Variants in PLEKHM1 observed in about 807,000 individuals in gnomAD.
PLEKHM1 encodes the protein pleckstrin homology and RUN domain containing M1.
In PLEKHM1, 28 loss-of-function variants were observed where a neutral mutation model predicts 94.3. The observed-to-expected ratio is 0.30, with a 90% CI of 0.22 to 0.41. PLEKHM1 has a LOEUF of 0.41. Among genes scored for constraint, PLEKHM1 ranks in the 10% least tolerant of loss-of-function variants. The probability of loss-of-function intolerance (pLI) is 1.00; values close to 1 mark genes in which losing one functional copy is unlikely to be tolerated. For missense variants in PLEKHM1, 907 were observed against 1,358.6 expected, an observed-to-expected ratio of 0.67 and a Z score of 5.22; for synonymous variants, 424 against 581.2, an observed-to-expected ratio of 0.73 and a Z score of 3.89.
chr17:45,445,709 A>G lies in PLEKHM1; in HGVS notation c.2644-46T>C, dbSNP rs2050587974. ...TGGGGATGGGAAGGAATGGCTGTTC[A>G]GTGAGCACTGCCTGGCCAGGTGCCA... On this transcript the variant is annotated intron_variant, in intron 8 of 11. Transcript: ENST00000430334. This position sits in a 1 kb window ranked among gnomAD's most constrained non-coding sequence, Gnocchi z 4.2. 6.6e-7 allele frequency: 1 copy of G among 1,514,374 alleles called. No homozygotes were observed. The highest frequency in any genetic ancestry group is 1.7e-5 in the Admixed American group (1 of 59,902). 93.8% of individuals were successfully genotyped at this position (1,514,374 alleles called of 1,614,324 possible).
At chr17:45,468,638 AT>A (rs1597974632) in intron 4 of PLEKHM1, 45 bp from the exon 5 acceptor site, 2 of 1,607,418 alleles carry the variant, frequency 1.2e-6, no homozygotes, top group Admixed American at 1.7e-5. Context: ...GTTGTCTGCG[AT>A]AATGCCCAAG....
In PLEKHM1 at chr17:45,453,860, G is replaced by A. The variant is rs369056286; in HGVS notation, c.1992C>T (p.Pro664=). ...CAAACTGTGTGCCCTGGAGGGCCGCGGGCTCCGAGAGCAGGTCTGAGGGAG... is the reference window on the plus strand; with the variant it reads ...CAAACTGTGTGCCCTGGAGGGCCGCAGGCTCCGAGAGCAGGTCTGAGGGAG... ...CLSPSDLLSE[P]AALQGTQFDW... Residue 664 remains proline, a synonymous_variant, in exon 7 of 12, where the codon CCC becomes CCT. Transcript: ENST00000430334. The surrounding 1 kb of genome is among the most constrained non-coding windows in gnomAD (Gnocchi z 4.1). 2.5e-6 allele frequency: 4 copies of A among 1,613,834 alleles called. No individual in the cohort carries two copies. The highest frequency in any genetic ancestry group is 2.7e-5 in the African/African-American group (2 of 74,932).
intron 5 of PLEKHM1, among the ~76,000 whole-genome samples, chr17:45,463,585 G>T (rs2051221852): frequency 6.6e-6 from 1 of 152,156 alleles, no homozygotes; most frequent in Admixed American, 6.5e-5. Context: ...TACAGACGGG[G>T]TTTCACCATA....
At position 45,475,641 on chromosome 17, in the gene PLEKHM1, C is replaced by T. The variant is rs779056350; in HGVS notation, c.382G>A (p.Asp128Asn). Residue 128 changes from aspartate (D) to asparagine (N), a missense_variant, in exon 4 of 12, where the codon GAT (aspartate) becomes AAT (asparagine). Coordinates refer to ENST00000430334, the MANE Select transcript of PLEKHM1 (RefSeq NM_014798.3). ...CRAWLRLALNDGLMECYLKLL... is the reference protein window; with the variant it reads ...CRAWLRLALNNGLMECYLKLL... ...TTCAGGTAGCACTCCATCAGGCCAT[C>T]GTTCAGGGCCAGCCGCAGCCATGCC... 33 of 1,613,660 alleles carry T rather than the reference C, an allele frequency of 2.0e-5. No individual in the cohort carries two copies. Among genetic ancestry groups the T allele is most frequent in the South Asian group, 2.2e-5 (2 of 91,088 alleles).
At position 45,475,484 on chromosome 17, in the gene PLEKHM1, T is replaced by A. The variant is rs750041184; in HGVS notation, c.539A>T (p.Tyr180Phe). The A allele has an allele frequency of 1.4e-4, 222 of 1,612,538 alleles. No homozygotes were observed. Among genetic ancestry groups the A allele is most frequent in the Middle Eastern group, 1.6e-4 (1 of 6,072 alleles). Reference protein sequence around the residue: ...GLTSLSFELSYKSAILNEWTL... With the variant: ...GLTSLSFELSFKSAILNEWTL... ...CCACTCATTTAAGATGGCAGACTTGTAGGAGAGTTCGAAGGACAAGGACGT... is the reference window on the plus strand; with the variant it reads ...CCACTCATTTAAGATGGCAGACTTGAAGGAGAGTTCGAAGGACAAGGACGT... Residue 180 changes from tyrosine to phenylalanine, a missense_variant, in exon 4 of 12, where the codon TAC becomes TTC. This residue lies in a region of PLEKHM1 where 176 missense variants were observed against 306.0 expected (regional missense o/e 0.58). Transcript: ENST00000430334.
chr17:45,470,252 A>G (rs2051454696), intron 4 of PLEKHM1, among the ~76,000 whole-genome samples: 1 of 152,276 alleles, frequency 6.6e-6, no homozygotes, highest in Non-Finnish European at 1.5e-5. Context: ...ACCTAAAGGT[A>G]AGAGCTAAAA....
chr17:45,449,382 C>A (rs2050702092), intron 8 of PLEKHM1, among the ~76,000 whole-genome samples: 2 of 152,014 alleles, frequency 1.3e-5, no homozygotes, highest in Non-Finnish European at 2.9e-5. Context: ...ATCTACCCAT[C>A]TACCTACCCA....
chr17:45,463,064 C>T (rs2051201179), intron 5 of PLEKHM1, among the ~76,000 whole-genome samples: 1 of 137,958 alleles, frequency 7.2e-6, no homozygotes, highest in Non-Finnish European at 1.6e-5. Context: ...CCCACCTGGG[C>T]AACAGCACAA....
chr17:45,477,545 G>C (rs963062121), intron 3 of PLEKHM1: 3 of 373,934 alleles, frequency 8.0e-6, no homozygotes, highest in African/African-American at 6.3e-5. Flanking sequence ...ATATTCTTCA[G>C]GCTTTGCAGG....
At chr17:45,441,654 G>A (rs1012367002) in intron 9 of PLEKHM1, among the ~76,000 whole-genome samples, 3 of 152,186 alleles carry the variant, frequency 2.0e-5, no homozygotes, top group African/African-American at 7.2e-5. Context: ...GGACTTGGAA[G>A]TGGCTTCTCC....
At chr17:45,440,030 G>C in intron 10 of PLEKHM1, 133 bp downstream of exon 10, 1 of 868,992 alleles carries the variant, frequency 1.2e-6, no homozygotes, top group Middle Eastern at 2.3e-4. Context: ...AACCCACCCT[G>C]AGCTGCAGAA....
chr17:45,460,882 G>A (rs1180163487), intron 5 of PLEKHM1, among the ~76,000 whole-genome samples: 2 of 151,792 alleles, frequency 1.3e-5, no homozygotes, highest in Non-Finnish European at 2.9e-5. Flanking sequence ...TTTTTGTTTT[G>A]TTGTTGTTGT....
intron 1 of PLEKHM1, among the ~76,000 whole-genome samples, chr17:45,483,224 G>A (rs554827105): frequency 6.6e-6 from 1 of 152,126 alleles, no homozygotes; most frequent in South Asian, 2.1e-4. Flanking sequence ...GATGGAGAAT[G>A]TGTAAAATGC....
chr17:45,460,733 ATT>A (rs1333357192), intron 5 of PLEKHM1, among the ~76,000 whole-genome samples: 4 of 150,102 alleles, frequency 2.7e-5, no homozygotes, highest in Non-Finnish European at 5.9e-5. Context: ...AATTTTTTAT[ATT>A]TTTAGTAGAG....
rs1257731885 is a variant in PLEKHM1 at position 45,453,183 on chromosome 17, C to T, written c.2497+172G>A. ...CTATGAGCAGGGCACTGGCCCCAGC[C>T]GGGGCTGGGGAGGAGCAGAAGCTGT... is the stretch of plus-strand genomic sequence containing the variant. On this transcript the variant is annotated intron_variant, in intron 7 of 11. Transcript: ENST00000430334. This position sits in a 1 kb window ranked among gnomAD's most constrained non-coding sequence, Gnocchi z 4.1. 2.6e-5 allele frequency: 17 copies of T among 664,158 alleles called. No homozygotes were observed. The highest frequency in any genetic ancestry group is 4.1e-5 in the Non-Finnish European group (15 of 365,492). The allele number at this position is 664,158 out of a possible 1,614,324, so 41.1% of individuals were successfully genotyped here. A position where few individuals can be genotyped will look rare whatever the true frequency, so the allele number is the denominator to read the frequency against.
chr17:45,468,233 C>T lies in PLEKHM1; in HGVS notation c.1284G>A (p.Leu428=). Reference sequence around the variant, plus strand: ...CCGGACTGGTGGGTGAGGAAACTACCAGCTTCAGACCAGCTCCGTCATGAG... The same window carrying T: ...CCGGACTGGTGGGTGAGGAAACTACTAGCTTCAGACCAGCTCCGTCATGAG... ...AQAHDGAGLK[L]VVSSPTSPKN... is the part of the protein sequence containing the mutation. Residue 428 remains leucine, a synonymous_variant, in exon 5 of 12, where the codon CTG becomes CTA. Transcript: ENST00000430334. 6.2e-7 allele frequency: 1 copy of T among 1,613,202 alleles called. No homozygotes were observed. The highest frequency in any genetic ancestry group is 8.5e-7 in the Non-Finnish European group (1 of 1,179,792).
intron 6 of PLEKHM1, 146 bp from the exon 7 acceptor site, chr17:45,454,418 G>C (rs1487732684): frequency 4.1e-6 from 3 of 727,482 alleles, no homozygotes; most frequent in Non-Finnish European, 7.3e-6. Context: ...ACTATCACAT[G>C]GGACCCTGAA....
intron 5 of PLEKHM1, among the ~76,000 whole-genome samples, chr17:45,463,171 G>T (rs1156388141): frequency 6.6e-6 from 1 of 151,856 alleles, no homozygotes; most frequent in Non-Finnish European, 1.5e-5. Flanking sequence ...GAAATGTTCA[G>T]ACACAGTCCA....
At chr17:45,473,885 A>G (rs930747675) in intron 4 of PLEKHM1, among the ~76,000 whole-genome samples, 12 of 151,810 alleles carry the variant, frequency 7.9e-5, no homozygotes, top group African/African-American at 2.7e-4. Context: ...TATTTGTTGT[A>G]GATGCATTTA....
Sources: gnomAD v4.1 joint callset for allele counts (sites outside exome capture counted in the v4.1 genomes callset) on GRCh38, gnomAD v4.1.1 for gene constraint, gnomAD v4.1.1 regional missense constraint, Gnocchi (gnomAD v3.1) non-coding constraint, MANE v1.5 for transcripts, NCBI Gene and HGNC (gene_info 2026-07-23, HGNC 2026-07-21) for gene names.